Variants in NIPSNAP3A observed in about 807,000 individuals in gnomAD.
The protein encoded by NIPSNAP3A is nipsnap homolog 3A.
A neutral mutation model predicts 32.3 loss-of-function variants in NIPSNAP3A; 27 were observed. The ratio of observed to expected loss-of-function variants is 0.84; its 90% CI spans 0.62 to 1.15. The LOEUF (loss-of-function observed/expected upper bound fraction) is 1.15, where lower values mean the gene tolerates loss of function less well. Among genes scored for constraint, NIPSNAP3A ranks in the 50% most tolerant of loss-of-function variants. The pLI is 0.00. For synonymous variants in NIPSNAP3A, 108 were observed against 107.3 expected (o/e 1.01, Z -0.04); for missense variants, 278 against 297.2 (o/e 0.94, Z 0.48).
chr9:104,756,406 C>T (rs1302142326), intron 4 of NIPSNAP3A, among the ~76,000 whole-genome samples: 1 of 151,200 alleles, frequency 6.6e-6, no homozygotes, highest in East Asian at 1.9e-4. Context: ...CTGAAAATCA[C>T]CATAAATGAA....
Position 104,751,075 on chromosome 9 carries a change from T to C in NIPSNAP3A, c.180T>C (p.Ala60=). 6.2e-7 allele frequency: 1 copy of C among 1,614,064 alleles called. No homozygotes were observed. Among genetic ancestry groups the C allele is most frequent in the Non-Finnish European group, 8.5e-7 (1 of 1,179,934 alleles). Residue 60 remains alanine, a synonymous_variant, in exon 2 of 6, where the codon GCT becomes GCC. Coordinates refer to ENST00000374767, the MANE Select transcript of NIPSNAP3A (RefSeq NM_015469.3). ...NEFLENFEKN[A]HLRTAHSELV... ...TCCTGGAAAATTTTGAGAAAAACGCTCATCTTCGGACAGCTCACTCTGAAT... is the reference window on the plus strand; with the variant it reads ...TCCTGGAAAATTTTGAGAAAAACGCCCATCTTCGGACAGCTCACTCTGAAT...
In NIPSNAP3A at chr9:104,753,071, C is replaced by T. The variant is rs1163281898; in HGVS notation, c.430+7C>T. Reference sequence around the variant, plus strand: ...GAAAAACCTCCAAAAGAAGGTAAGTCCTTCCTTCTTAGTCACTGAGTTTTG... The same window carrying T: ...GAAAAACCTCCAAAAGAAGGTAAGTTCTTCCTTCTTAGTCACTGAGTTTTG... On this transcript the variant is annotated splice_region_variant and intron_variant, in intron 3 of 5. Transcript: ENST00000374767. 2 of 1,610,358 alleles carry T rather than the reference C, an allele frequency of 1.2e-6. No individual in the cohort carries two copies. Among genetic ancestry groups the T allele is most frequent in the Non-Finnish European group, 8.5e-7 (1 of 1,176,932 alleles).
At chr9:104,752,879 T>C (rs370501449) in intron 2 of NIPSNAP3A, 27 bp from the exon 3 acceptor site, 273 of 1,596,716 alleles carry the variant, frequency 1.7e-4, no homozygotes, top group Non-Finnish European at 2.3e-4. Flanking sequence ...GAATTTTTTA[T>C]TTTTCTTAAT....
At chr9:104,757,803 A>C (rs1398247642) in intron 4 of NIPSNAP3A, among the ~76,000 whole-genome samples, 2 of 152,080 alleles carry the variant, frequency 1.3e-5, no homozygotes, top group Non-Finnish European at 2.9e-5. Flanking sequence ...TGTAATCCCA[A>C]CACTTTGGGA....
rs145688948 is a variant in NIPSNAP3A, at chr9:104,753,346, T to C, written c.430+282T>C. Among the ~76,000 whole-genome samples the C allele has an allele frequency of 9.2e-5, 14 of 152,344 alleles. No homozygotes were observed. The East Asian group carries it at 2.7e-3, about 29-fold the overall frequency. ...ACATGGTCAGTAGAGGTTGAGAATT[T>C]GTGCATTGGGAGCAGAGAACGTGTT... On this transcript the variant is annotated intron_variant, in intron 3 of 5. Transcript: ENST00000374767.
At chr9:104,751,410 TG>T (rs1347711612) in intron 2 of NIPSNAP3A, among the ~76,000 whole-genome samples, 2 of 152,200 alleles carry the variant, frequency 1.3e-5, no homozygotes, top group Admixed American at 1.3e-4. Context: ...TTGGAAGACA[TG>T]GCATCTCATA....
At chr9:104,748,920 T>C (rs1827813260) in intron 1 of NIPSNAP3A, among the ~76,000 whole-genome samples, 1 of 152,182 alleles carries the variant, frequency 6.6e-6, no homozygotes. Context: ...ATTTCTGCCC[T>C]AGCAGCTAAA....
chr9:104,751,531 A>C (rs1485644795), intron 2 of NIPSNAP3A, among the ~76,000 whole-genome samples: 2 of 152,232 alleles, frequency 1.3e-5, no homozygotes, highest in African/African-American at 2.4e-5. Flanking sequence ...TAAAAGTCCA[A>C]GTGGATTAAG....
chr9:104,759,607 G>T lies in NIPSNAP3A; in HGVS notation c.*269G>T, dbSNP rs1017330962. ...AGATCTTGACTCTTCATTTGTTTCA[G>T]AATAGCTCTTCTACTGTATTCTGAC... On this transcript the variant is annotated 3_prime_UTR_variant, in exon 6 of 6. Coordinates refer to ENST00000374767, the MANE Select transcript of NIPSNAP3A (RefSeq NM_015469.3). The T allele has an allele frequency of 2.3e-6, 1 of 435,292 alleles. No homozygotes were observed. Among genetic ancestry groups the T allele is most frequent in the African/African-American group, 2.0e-5 (1 of 50,248 alleles). 27.0% of individuals were successfully genotyped at this position (435,292 alleles called of 1,614,324 possible). A position where few individuals can be genotyped will look rare whatever the true frequency, so the allele number is the denominator to read the frequency against.
chr9:104,750,876 AC>A, intron 1 of NIPSNAP3A, 79 bp from the exon 2 acceptor site: 1 of 1,114,698 alleles, frequency 9.0e-7, no homozygotes, highest in Non-Finnish European at 1.4e-6. Context: ...TGTCCCTTGT[AC>A]CAGATTCAGA....
At chr9:104,747,914 T>C in intron 1 of NIPSNAP3A, 62 bp downstream of exon 1, 1 of 1,397,230 alleles carries the variant, frequency 7.2e-7, no homozygotes, top group Non-Finnish European at 9.8e-7. Context: ...GGGCGGGGAG[T>C]GTTCCGGGTA....
chr9:104,756,416 A>T (rs1827906943), intron 4 of NIPSNAP3A, among the ~76,000 whole-genome samples: 1 of 150,552 alleles, frequency 6.6e-6, no homozygotes, highest in Non-Finnish European at 1.5e-5. Context: ...CCATAAATGA[A>T]ATTCAAAAGC....
At chr9:104,756,203 TA>T (rs1827904727) in intron 4 of NIPSNAP3A, among the ~76,000 whole-genome samples, 1 of 152,078 alleles carries the variant, frequency 6.6e-6, no homozygotes, top group Non-Finnish European at 1.5e-5. Context: ...TATGCGAAAA[TA>T]AAGTCAAGCT....
intron 2 of NIPSNAP3A, among the ~76,000 whole-genome samples, chr9:104,752,045 C>G (rs1360152820): frequency 2.0e-5 from 3 of 151,886 alleles, no homozygotes; most frequent in Non-Finnish European, 4.4e-5. Flanking sequence ...TGTATCACAG[C>G]CCATTAAAAA....
rs367993258 is a variant in NIPSNAP3A at position 104,753,086 on chromosome 9, ACT to A, written c.430+23_430+24del. On this transcript the variant is annotated intron_variant, in intron 3 of 5. Transcript: ENST00000374767. ...GAAGGTAAGTCCTTCCTTCTTAGTC[ACT>A]GAGTTTTGATGAATAAAATACTAAA... is the stretch of plus-strand genomic sequence containing the variant. 3.8e-4 allele frequency: 617 copies of A among 1,603,642 alleles called. 7 individuals are homozygous for A. The South Asian group carries it at 6.3e-3, about 16-fold the overall frequency.
chr9:104,748,346 G>A lies in NIPSNAP3A; in HGVS notation c.60+494G>A, dbSNP rs149931696. ...AACCGGCCTCCCCCTTTTAAATGAA[G>A]CACACAACTTCCGAGCATTTCGCGG... is the stretch of plus-strand genomic sequence containing the variant. On this transcript the variant is annotated intron_variant, in intron 1 of 5. Coordinates refer to ENST00000374767, the MANE Select transcript of NIPSNAP3A (RefSeq NM_015469.3). Among the ~76,000 whole-genome samples, 449 of 152,248 alleles carry A rather than the reference G, an allele frequency of 2.9e-3. 1 individual carries two copies. The highest frequency in any genetic ancestry group is 0.01 in the African/African-American group (432 of 41,558).
In NIPSNAP3A at chr9:104,759,554, T is replaced by C. The variant is rs1362538427; in HGVS notation, c.*216T>C. 3.7e-6 allele frequency: 2 copies of C among 543,620 alleles called. No individual in the cohort carries two copies. The highest frequency in any genetic ancestry group is 3.3e-6 in the Non-Finnish European group (1 of 304,342). 33.7% of individuals were successfully genotyped at this position (543,620 alleles called of 1,614,324 possible). On this transcript the variant is annotated 3_prime_UTR_variant, in exon 6 of 6. Transcript: ENST00000374767. ...CTGCATGGTATTTCAGTGTCTGTCA[T>C]ACATTAAAAATACTTGTCACTGTTT... is the stretch of plus-strand genomic sequence containing the variant.
Position 104,747,771 on chromosome 9 carries a change from T to C in NIPSNAP3A, c.-22T>C. ...TCAGAAAGGACACGGCTGGCTGCTTTTCTCAGCGCCGAAGCCGCGCCATGC... is the reference window on the plus strand; with the variant it reads ...TCAGAAAGGACACGGCTGGCTGCTTCTCTCAGCGCCGAAGCCGCGCCATGC... On this transcript the variant is annotated 5_prime_UTR_variant, in exon 1 of 6. Transcript: ENST00000374767. The C allele has an allele frequency of 1.2e-6, 2 of 1,604,816 alleles. No homozygotes were observed. The highest frequency in any genetic ancestry group is 1.7e-6 in the Non-Finnish European group (2 of 1,177,080).
chr9:104,757,777 C>G (rs1588162218), intron 4 of NIPSNAP3A, among the ~76,000 whole-genome samples: 1 of 151,898 alleles, frequency 6.6e-6, no homozygotes, highest in Non-Finnish European at 1.5e-5. Context: ...ACAGGCCAGG[C>G]GTGGTGGTTC....
Sources: gnomAD v4.1 joint callset for allele counts (sites outside exome capture counted in the v4.1 genomes callset) on GRCh38, gnomAD v4.1.1 for gene constraint, MANE v1.5 for transcripts, NCBI Gene and HGNC (gene_info 2026-07-23, HGNC 2026-07-21) for gene names.